SORCS2: variants seen among roughly 807,000 people sequenced by gnomAD.
The protein encoded by SORCS2 is sortilin related VPS10 domain containing receptor 2.
In SORCS2, 100 loss-of-function variants were observed where a neutral mutation model predicts 141.6. That is an observed-to-expected ratio of 0.71 (90% CI 0.60 to 0.83). The LOEUF is 0.83. SORCS2 is among the 40% of genes least tolerant of loss of function. The pLI is 0.00. For synonymous variants in SORCS2, 789 were observed against 676.9 expected (o/e 1.17, Z -2.57); for missense variants, 1,646 against 1,560.2 (o/e 1.05, Z -0.93).
chr4:7,244,978 G>T lies in SORCS2; in HGVS notation c.480+51852G>T, dbSNP rs907265494. ...GCAGTTGGAAGGGGGGTGGCTGGAG[G>T]GGGGTGGAGTAAGCCACCATGGGAA... On this transcript the variant is annotated intron_variant, in intron 1 of 26. Transcript: ENST00000507866. Among the ~76,000 whole-genome samples the T allele has an allele frequency of 2.6e-5, 4 of 152,292 alleles. No individual in the cohort carries two copies. The East Asian group carries it at 5.8e-4, about 22-fold the overall frequency.
At chr4:7,202,592 C>A (rs562503859) in intron 1 of SORCS2, among the ~76,000 whole-genome samples, 35 of 152,308 alleles carry the variant, frequency 2.3e-4, no homozygotes, top group Non-Finnish European at 4.6e-4. Flanking sequence ...TGACTCACAC[C>A]GAGCACATTT....
At chr4:7,257,849 C>G (rs1460932638) in intron 1 of SORCS2, among the ~76,000 whole-genome samples, 2 of 152,234 alleles carry the variant, frequency 1.3e-5, no homozygotes, top group Non-Finnish European at 2.9e-5. Context: ...TGGGTTCAGT[C>G]AACGAGAGGC....
intron 2 of SORCS2, among the ~76,000 whole-genome samples, chr4:7,495,166 C>T (rs1239095912): frequency 2.0e-5 from 3 of 152,232 alleles, no homozygotes; most frequent in Non-Finnish European, 2.9e-5. Context: ...GCAGCCTCAG[C>T]GTCAAAGCCT....
At chr4:7,351,953 T>C (rs1436125615) in intron 1 of SORCS2, among the ~76,000 whole-genome samples, 1 of 152,154 alleles carries the variant, frequency 6.6e-6, no homozygotes, top group Admixed American at 6.5e-5. Context: ...ATCACCCATC[T>C]ATTTGCCTAC....
At chr4:7,371,063 C>T (rs974782242) in intron 1 of SORCS2, among the ~76,000 whole-genome samples, 1 of 152,206 alleles carries the variant, frequency 6.6e-6, no homozygotes, top group South Asian at 2.1e-4. Context: ...GAGCTGAGGT[C>T]TCTTCAGTGC....
At position 7,664,147 on chromosome 4, in the gene SORCS2, AG is replaced by A. The variant is rs1722350910; in HGVS notation, c.953-204del. ...GCACGAACACCTTCCTGAGGGTTGAAGGAGCTCGTGTCAGAGTGCAGGTGGC... is the reference window on the plus strand; with the variant it reads ...GCACGAACACCTTCCTGAGGGTTGAAGAGCTCGTGTCAGAGTGCAGGTGGC... On this transcript the variant is annotated intron_variant, in intron 6 of 26. Coordinates refer to ENST00000507866, the MANE Select transcript of SORCS2 (RefSeq NM_020777.3). The surrounding 1 kb of genome is among the most constrained non-coding windows in gnomAD (Gnocchi z 4.7). Among the ~76,000 whole-genome samples the A allele has an allele frequency of 6.6e-6, 1 of 152,132 alleles. No homozygotes were observed. Among genetic ancestry groups the A allele is most frequent in the Non-Finnish European group, 1.5e-5 (1 of 68,024 alleles).
intron 1 of SORCS2, among the ~76,000 whole-genome samples, chr4:7,385,460 C>T (rs865831852): frequency 4.6e-5 from 7 of 152,302 alleles, no homozygotes; most frequent in Middle Eastern, 3.4e-3. Context: ...CTCTTTCATG[C>T]GGGCTGGAGA....
intron 2 of SORCS2, among the ~76,000 whole-genome samples, chr4:7,473,893 A>G (rs889513965): frequency 6.6e-6 from 1 of 152,212 alleles, no homozygotes; most frequent in African/African-American, 2.4e-5. Flanking sequence ...ACCTCCTTCC[A>G]GTGCATTCTG....
At chr4:7,240,000 C>A (rs1577311652) in intron 1 of SORCS2, among the ~76,000 whole-genome samples, 1 of 152,230 alleles carries the variant, frequency 6.6e-6, no homozygotes, top group South Asian at 2.1e-4. Flanking sequence ...GTGGGGAGCA[C>A]AGGAAAGCTC....
intron 3 of SORCS2, among the ~76,000 whole-genome samples, chr4:7,586,497 G>C (rs1716546941): frequency 6.6e-6 from 1 of 152,092 alleles, no homozygotes. Flanking sequence ...CTCCCAACAG[G>C]CCTCTATATG....
At chr4:7,674,778 A>G (rs564580929) in intron 8 of SORCS2, among the ~76,000 whole-genome samples, 21 of 149,996 alleles carry the variant, frequency 1.4e-4, no homozygotes, top group African/African-American at 4.7e-4. Context: ...CACTGGACAG[A>G]ATCGGGATTT....
rs549740476 is a variant in SORCS2 at position 7,663,777 on chromosome 4, A to G, written c.953-576A>G. ...GGCACCCTTCCCTTGGTCCCCTTGG[A>G]TAAATCTTCCTCCTGGCTCACAAGC... On this transcript the variant is annotated intron_variant, in intron 6 of 26. Coordinates refer to ENST00000507866, the MANE Select transcript of SORCS2 (RefSeq NM_020777.3). The surrounding 1 kb of genome is among the most constrained non-coding windows in gnomAD (Gnocchi z 4.8). Among the ~76,000 whole-genome samples, 154 of 152,320 alleles carry G rather than the reference A, an allele frequency of 1.0e-3. No homozygotes were observed. Among genetic ancestry groups the G allele is most frequent in the Non-Finnish European group, 1.7e-3 (116 of 68,016 alleles).
chr4:7,638,713 G>A (rs1720435808), intron 4 of SORCS2, among the ~76,000 whole-genome samples: 1 of 152,212 alleles, frequency 6.6e-6, no homozygotes, highest in Non-Finnish European at 1.5e-5. Context: ...TGGGAGCTGA[G>A]CGAGGTGGTG....
chr4:7,318,015 G>C (rs1272882631), intron 1 of SORCS2, among the ~76,000 whole-genome samples: 4 of 152,200 alleles, frequency 2.6e-5, no homozygotes, highest in African/African-American at 9.7e-5. Flanking sequence ...TCATACAACT[G>C]TCCAGCCTGT....
At chr4:7,703,035 C>T (rs1250970793) in intron 12 of SORCS2, among the ~76,000 whole-genome samples, 1 of 152,220 alleles carries the variant, frequency 6.6e-6, no homozygotes, top group Non-Finnish European at 1.5e-5. Flanking sequence ...TTGCAGTTTC[C>T]TTGTTCAGGT....
intron 2 of SORCS2, among the ~76,000 whole-genome samples, chr4:7,499,844 A>G (rs906156831): frequency 1.3e-5 from 2 of 152,186 alleles, no homozygotes; most frequent in Non-Finnish European, 2.9e-5. Flanking sequence ...CCGAGCCGGC[A>G]CAGGTGGGTG....
chr4:7,697,099 C>A, intron 11 of SORCS2, 99 bp from the exon 12 acceptor site: 1 of 1,018,692 alleles, frequency 9.8e-7, no homozygotes, highest in Non-Finnish European at 1.5e-6. Context: ...ACCCGGGGCA[C>A]TGGCCACCGT....
At position 7,676,155 on chromosome 4, in the gene SORCS2, C is replaced by T. The variant is rs745591535; in HGVS notation, c.1267C>T (p.Arg423Cys). 3.4e-5 allele frequency: 53 copies of T among 1,562,022 alleles called. No individual in the cohort carries two copies. Among genetic ancestry groups the T allele is most frequent in the Middle Eastern group, 1.7e-4 (1 of 5,950 alleles). Reference sequence around the variant, plus strand: ...GTACCAGTCGGACCCACGGGGCGTGCGCTACGCGCTGGTGCTGCAGGACGT... The same window carrying T: ...GTACCAGTCGGACCCACGGGGCGTGTGCTACGCGCTGGTGCTGCAGGACGT... ...NLYQSDPRGVRYALVLQDVRS... is the reference protein window; with the variant it reads ...NLYQSDPRGVCYALVLQDVRS... The change falls in exon 9 of 27, where the codon CGC (arginine) becomes TGC (cysteine). Residue 423 changes from arginine to cysteine, a missense_variant. By Grantham distance (180) the Arg-to-Cys change is radical. Transcript: ENST00000507866.
chr4:7,445,084 G>A (rs551848624), intron 2 of SORCS2, among the ~76,000 whole-genome samples: 2 of 150,160 alleles, frequency 1.3e-5, no homozygotes, highest in South Asian at 4.1e-4. Flanking sequence ...GGGATTGGGG[G>A]AGGCCCAGAC....
Sources: allele counts gnomAD v4.1 joint callset (sites outside exome capture counted in the v4.1 genomes callset), GRCh38; gene constraint gnomAD v4.1.1; non-coding constraint Gnocchi (gnomAD v3.1); transcripts MANE v1.5; gene names NCBI Gene and HGNC (gene_info 2026-07-23, HGNC 2026-07-21).